HAPLN1: variants seen among roughly 807,000 people sequenced by gnomAD.
HAPLN1 encodes Cartilage link protein.
Under a neutral mutation model 36.5 loss-of-function variants are expected in HAPLN1, and 13 were observed. The ratio of observed to expected loss-of-function variants is 0.36; its 90% CI spans 0.23 to 0.57. The LOEUF (loss-of-function observed/expected upper bound fraction) is 0.57. Ranked by LOEUF, HAPLN1 falls within the 20% of genes least tolerant of loss-of-function variation. The probability of loss-of-function intolerance (pLI) is 0.83; values close to 1 mark genes in which losing one functional copy is unlikely to be tolerated. For missense variants in HAPLN1, 407 were observed against 439.7 expected (o/e 0.93, Z 0.66); for synonymous variants, 202 against 169.8 (o/e 1.19, Z -1.48).
intron 1 of HAPLN1, among the ~76,000 whole-genome samples, chr5:83,710,752 A>T (rs1232627129): frequency 6.6e-6 from 1 of 152,166 alleles, no homozygotes; most frequent in African/African-American, 2.4e-5. Flanking sequence ...GGATTTCGAG[A>T]CCAGCCTGAC....
intron 1 of HAPLN1, among the ~76,000 whole-genome samples, chr5:83,690,684 G>A (rs1751248297): frequency 6.6e-6 from 1 of 151,634 alleles, no homozygotes; most frequent in Non-Finnish European, 1.5e-5. Flanking sequence ...TTATGAATTT[G>A]CGCACCCCTG....
intron 1 of HAPLN1, among the ~76,000 whole-genome samples, chr5:83,695,417 C>T (rs1751370141): frequency 1.3e-5 from 2 of 151,988 alleles, no homozygotes; most frequent in East Asian, 3.9e-4. Flanking sequence ...TGAGCCACCA[C>T]ACCCAGCCAT....
chr5:83,664,253 A>C (rs986684720), intron 2 of HAPLN1, among the ~76,000 whole-genome samples: 2 of 151,710 alleles, frequency 1.3e-5, no homozygotes, highest in Non-Finnish European at 2.9e-5. Flanking sequence ...ACCGTCTCCC[A>C]CTCATTATTC....
At chr5:83,691,203 C>T (rs6895609) in intron 1 of HAPLN1, among the ~76,000 whole-genome samples, 4,864 of 151,970 alleles carry the variant, frequency 0.032, 281 homozygotes, top group African/African-American at 0.11. Context: ...TGAGCTGAGG[C>T]GTTGAGAGCC....
At chr5:83,711,676 C>G (rs534375732) in intron 1 of HAPLN1, among the ~76,000 whole-genome samples, 1 of 152,268 alleles carries the variant, frequency 6.6e-6, no homozygotes, top group South Asian at 2.1e-4. Context: ...ATGTAAGTGA[C>G]CAGTTTCCTT....
intron 3 of HAPLN1, among the ~76,000 whole-genome samples, chr5:83,648,454 C>T (rs1381321828): frequency 8.4e-6 from 1 of 118,658 alleles, no homozygotes; most frequent in Non-Finnish European, 1.7e-5. Flanking sequence ...GAATCCAAGA[C>T]AGAATAAATA....
intron 1 of HAPLN1, among the ~76,000 whole-genome samples, chr5:83,706,712 T>C (rs945969341): frequency 6.6e-6 from 1 of 152,168 alleles, no homozygotes; most frequent in Non-Finnish European, 1.5e-5. Flanking sequence ...TTTAACATAG[T>C]ATTGGAAGTC....
intron 3 of HAPLN1, among the ~76,000 whole-genome samples, chr5:83,645,730 C>G (rs932397059): frequency 1.8e-4 from 28 of 151,818 alleles, no homozygotes; most frequent in African/African-American, 6.5e-4. Context: ...TTTAATGTAG[C>G]CCTTAATCTT....
chr5:83,688,064 A>G (rs1440120233), intron 1 of HAPLN1, among the ~76,000 whole-genome samples: 1 of 151,842 alleles, frequency 6.6e-6, no homozygotes, highest in Non-Finnish European at 1.5e-5. Context: ...ACACTCTGGT[A>G]TCCAGGACAT....
At position 83,641,596 on chromosome 5, in the gene HAPLN1, C is replaced by T. The variant is rs889122618; in HGVS notation, c.965G>A (p.Arg322Lys). The change falls in exon 5 of 5, where the codon AGA becomes AAA. Residue 322 changes from arginine to lysine, a missense_variant. Physicochemically the swap from Arg to Lys is conservative, Grantham distance 26. Coordinates refer to ENST00000274341, the MANE Select transcript of HAPLN1 (RefSeq NM_001884.4). ...AGCCTCAGTAGGACTGCAGCGCCTT[C>T]TTGGCCTAGAGATGGGGTAGCGGAC... ...GSVRYPISRP[R>K]RRCSPTEAAV... 2.5e-6 allele frequency: 4 copies of T among 1,614,078 alleles called. No individual in the cohort carries two copies. Among genetic ancestry groups the T allele is most frequent in the Non-Finnish European group, 3.4e-6 (4 of 1,180,048 alleles).
chr5:83,706,551 C>T (rs1751657536), intron 1 of HAPLN1, among the ~76,000 whole-genome samples: 1 of 152,154 alleles, frequency 6.6e-6, no homozygotes, highest in African/African-American at 2.4e-5. Flanking sequence ...TAAAAACTCT[C>T]AATAAACTAG....
At chr5:83,711,895 G>T (rs1019247196) in intron 1 of HAPLN1, among the ~76,000 whole-genome samples, 2 of 152,066 alleles carry the variant, frequency 1.3e-5, no homozygotes, top group African/African-American at 4.8e-5. Context: ...CAGATTGAAA[G>T]GTCAAGTAAA....
At position 83,648,235 on chromosome 5, in the gene HAPLN1, T is replaced by C. The variant is rs140085999; in HGVS notation, c.473-3570A>G. Among the ~76,000 whole-genome samples the C allele has an allele frequency of 4.7e-3, 710 of 151,664 alleles. 20 individuals are homozygous for C. Among genetic ancestry groups the C allele is most frequent in the Admixed American group, 0.043 (653 of 15,226 alleles). On this transcript the variant is annotated intron_variant, in intron 3 of 4. Transcript: ENST00000274341. Reference sequence around the variant, plus strand: ...TCTGTATGAAAATGCCGTGTTTCCATATCTAATTCCAACTCACATGGAGGT... The same window carrying C: ...TCTGTATGAAAATGCCGTGTTTCCACATCTAATTCCAACTCACATGGAGGT...
At chr5:83,702,050 T>C (rs1417646520) in intron 1 of HAPLN1, among the ~76,000 whole-genome samples, 1 of 152,012 alleles carries the variant, frequency 6.6e-6, no homozygotes, top group Non-Finnish European at 1.5e-5. Flanking sequence ...CAATGCAAGG[T>C]TACCGGGAGG....
chr5:83,712,326 A>C (rs927190291), intron 1 of HAPLN1, among the ~76,000 whole-genome samples: 1 of 152,040 alleles, frequency 6.6e-6, no homozygotes. Context: ...AAAAATGATT[A>C]TTTTGTTTTA....
At chr5:83,665,070 AT>A (rs145453819) in intron 2 of HAPLN1, among the ~76,000 whole-genome samples, 3,702 of 152,252 alleles carry the variant, frequency 0.024, 163 homozygotes, top group African/African-American at 0.083. Context: ...AATTGACAAC[AT>A]TTTTCAAGAG....
At chr5:83,710,500 G>A (rs567127453) in intron 1 of HAPLN1, among the ~76,000 whole-genome samples, 1 of 152,218 alleles carries the variant, frequency 6.6e-6, no homozygotes, top group Admixed American at 6.5e-5. Context: ...GTAAGTTGAG[G>A]AGAGGATGGG....
intron 2 of HAPLN1, among the ~76,000 whole-genome samples, chr5:83,671,096 A>G (rs531461492): frequency 5.9e-5 from 9 of 152,120 alleles, no homozygotes; most frequent in Non-Finnish European, 1.2e-4. Context: ...CTTCAGAAAA[A>G]CAATTAGCTA....
At position 83,673,565 on chromosome 5, in the gene HAPLN1, A is replaced by G. The variant is rs751479189; in HGVS notation, c.-26-16T>C. On this transcript the variant is annotated splice_polypyrimidine_tract_variant and intron_variant, in intron 1 of 4. Coordinates refer to ENST00000274341, the MANE Select transcript of HAPLN1 (RefSeq NM_001884.4). ...ATCTTCTTCACTGCGAGAGCATCAC[A>G]TACAAAGAGGCTTGTGAGATTTGGA... 2.1e-6 allele frequency: 3 copies of G among 1,415,068 alleles called. No individual in the cohort carries two copies. The highest frequency in any genetic ancestry group is 1.2e-5 in the South Asian group (1 of 86,766). 87.7% of individuals were successfully genotyped at this position (1,415,068 alleles called of 1,614,324 possible). A position where few individuals can be genotyped will look rare whatever the true frequency, so the allele number is the denominator to read the frequency against.
Sources: gnomAD v4.1 joint callset for allele counts (sites outside exome capture counted in the v4.1 genomes callset) on GRCh38, gnomAD v4.1.1 for gene constraint, MANE v1.5 for transcripts, NCBI Gene and HGNC (gene_info 2026-07-23, HGNC 2026-07-21) for gene names.